The following TERB1 variants were observed in gnomAD, a reference collection of about 807,000 sequenced individuals.
TERB1 encodes telomere repeat binding bouquet formation protein 1, also known as telomere repeats-binding bouquet formation protein 1.
A neutral mutation model predicts 92.3 loss-of-function variants in TERB1; 63 were observed. The observed-to-expected ratio is 0.68, with a 90% CI of 0.56 to 0.84. The LOEUF (loss-of-function observed/expected upper bound fraction) is 0.84. Ranked by LOEUF, TERB1 falls within the 40% of genes least tolerant of loss-of-function variation. TERB1 has a pLI of 0.00. For missense variants in TERB1, 709 were observed against 843.7 expected, an observed-to-expected ratio of 0.84 and a Z score of 1.98; for synonymous variants, 252 against 283.9, an observed-to-expected ratio of 0.89 and a Z score of 1.13.
Position 66,754,937 on chromosome 16 carries a change from T to G in TERB1, c.*39A>C. The G allele has an allele frequency of 2.0e-6, 3 of 1,508,946 alleles. No individual in the cohort carries two copies. The highest frequency in any genetic ancestry group is 2.7e-6 in the Non-Finnish European group (3 of 1,122,122). 93.5% of individuals were successfully genotyped at this position (1,508,946 alleles called of 1,614,324 possible). A position where few individuals can be genotyped will look rare whatever the true frequency, so the allele number is the denominator to read the frequency against. On this transcript the variant is annotated 3_prime_UTR_variant, in exon 19 of 19. Coordinates refer to ENST00000433154, the MANE Select transcript of TERB1 (RefSeq NM_001136505.2). ...AAATGTATCTTTCAAGGCACTGTAT[T>G]TTAAGAATCCAAACTAAAAACTGAC...
At chr16:66,773,710 T>C (rs993233090) in intron 12 of TERB1, among the ~76,000 whole-genome samples, 1 of 152,202 alleles carries the variant, frequency 6.6e-6, no homozygotes, top group East Asian at 1.9e-4. Flanking sequence ...CTGTGGTCTA[T>C]CCCTATATAT....
chr16:66,800,026 T>C (rs1177586407), intron 2 of TERB1: 1 of 152,190 alleles, frequency 6.6e-6, no homozygotes, highest in East Asian at 1.9e-4. Flanking sequence ...GCAAGAAAAG[T>C]AGCTGAATAT....
At chr16:66,791,404 A>T in intron 3 of TERB1, among the ~76,000 whole-genome samples, 1 of 152,098 alleles carries the variant, frequency 6.6e-6, no homozygotes, top group East Asian at 1.9e-4. Context: ...AAGGTCTCAG[A>T]TCAATGACAT....
intron 16 of TERB1, among the ~76,000 whole-genome samples, chr16:66,761,109 CAAAAAAA>C (rs34199990): frequency 1.4e-5 from 1 of 71,138 alleles, no homozygotes; most frequent in Non-Finnish European, 2.6e-5. Flanking sequence ...GACTCCACCT[CAAAAAAA>C]AAAAAAAAAA....
At position 66,759,123 on chromosome 16, in the gene TERB1, A is replaced by C; in HGVS notation, c.1930+18T>G. ...GGTATAGCCATAATTACAATTTTAA[A>C]GCTGCTGAATTAATTACTTTTGTTA... On this transcript the variant is annotated intron_variant, in intron 17 of 18. Transcript: ENST00000433154. 6.6e-7 allele frequency: 1 copy of C among 1,519,480 alleles called. No homozygotes were observed. Among genetic ancestry groups the C allele is most frequent in the East Asian group, 2.5e-5 (1 of 40,724 alleles). The allele number at this position is 1,519,480 out of a possible 1,614,324, so 94.1% of individuals were successfully genotyped here.
chr16:66,757,628 T>C (rs1486930939), intron 18 of TERB1, among the ~76,000 whole-genome samples: 1 of 152,194 alleles, frequency 6.6e-6, no homozygotes, highest in Admixed American at 6.5e-5. Context: ...AAAATCAAAT[T>C]TGAAATTTCC....
intron 14 of TERB1, among the ~76,000 whole-genome samples, chr16:66,769,011 A>G (rs2018397502): frequency 6.6e-6 from 1 of 152,072 alleles, no homozygotes; most frequent in Non-Finnish European, 1.5e-5. Flanking sequence ...AGGCTGAGGT[A>G]GGAGAATCAC....
At chr16:66,798,893 G>A (rs1180916722) in intron 2 of TERB1, among the ~76,000 whole-genome samples, 2 of 152,134 alleles carry the variant, frequency 1.3e-5, no homozygotes, top group Non-Finnish European at 2.9e-5. Flanking sequence ...TTATAAGGAC[G>A]AAGATACATG....
rs1175759717 is a variant in TERB1, at chr16:66,790,977, T to C, written c.74A>G (p.Tyr25Cys). ...DLNLLLECLK[Y>C]QMDNAFSQKE... ...TTGTGAAAAAGCATTGTCCATTTGA[T>C]ACTTTAGACACTCCAATAATAAGTT... is the stretch of plus-strand genomic sequence containing the variant. The change falls in exon 4 of 19, where the codon TAT (tyrosine) becomes TGT (cysteine). Residue 25 changes from tyrosine to cysteine, a missense_variant. Tyr to Cys is a radical substitution (Grantham distance 194). Coordinates refer to ENST00000433154, the MANE Select transcript of TERB1 (RefSeq NM_001136505.2). The C allele has an allele frequency of 2.6e-6, 4 of 1,548,264 alleles. No individual in the cohort carries two copies. The highest frequency in any genetic ancestry group is 3.5e-6 in the Non-Finnish European group (4 of 1,145,210).
At chr16:66,757,580 C>T (rs2018158350) in intron 18 of TERB1, among the ~76,000 whole-genome samples, 1 of 152,120 alleles carries the variant, frequency 6.6e-6, no homozygotes, top group Non-Finnish European at 1.5e-5. Context: ...TTATAATTTG[C>T]ATGCAGAACT....
intron 6 of TERB1, among the ~76,000 whole-genome samples, chr16:66,787,290 T>C (rs944351440): frequency 8.6e-5 from 13 of 151,416 alleles, no homozygotes; most frequent in Admixed American, 6.6e-4. Flanking sequence ...TTTCTTTTTT[T>C]TTTTTTTTTA....
chr16:66,787,481 T>G (rs962812708), intron 6 of TERB1, among the ~76,000 whole-genome samples: 2 of 152,218 alleles, frequency 1.3e-5, no homozygotes, highest in East Asian at 3.9e-4. Flanking sequence ...AATTAAAATT[T>G]TAAAGAGTTA....
chr16:66,768,277 A>G, intron 14 of TERB1, 109 bp from the exon 15 acceptor site: 1 of 797,400 alleles, frequency 1.3e-6, no homozygotes, highest in Non-Finnish European at 2.0e-6. Context: ...GGGCAAAAGC[A>G]ACCTGGAATC....
intron 16 of TERB1, among the ~76,000 whole-genome samples, chr16:66,761,955 C>T (rs2018258057): frequency 6.6e-6 from 1 of 151,690 alleles, no homozygotes; most frequent in Admixed American, 6.6e-5. Context: ...CGGGAGGCTG[C>T]GGCAGGAGAA....
chr16:66,758,793 G>C lies in TERB1; in HGVS notation c.1976C>G (p.Ser659Cys). The change falls in exon 18 of 19, where the codon TCT becomes TGT. Residue 659 changes from serine to cysteine, a missense_variant. Transcript: ENST00000433154. ...TTCACTTATTCCTCCAGGGGTAGTA[G>C]ATTCATTACTGAGTCGTTGTCTTCT... ...PRRRQRLSNE[S>C]TTPGGIKKRR... is the part of the protein sequence containing the mutation. 1 of 1,533,032 alleles carries C rather than the reference G, an allele frequency of 6.5e-7. No individual in the cohort carries two copies. The highest frequency in any genetic ancestry group is 1.4e-5 in the African/African-American group (1 of 72,456). 95.0% of individuals were successfully genotyped at this position (1,533,032 alleles called of 1,614,324 possible).
intron 13 of TERB1, among the ~76,000 whole-genome samples, chr16:66,771,487 T>C (rs2018450060): frequency 6.6e-6 from 1 of 152,222 alleles, no homozygotes; most frequent in Admixed American, 6.5e-5. Context: ...ATAACTTGCC[T>C]AAACTTTCCC....
At chr16:66,789,366 C>CTT (rs2018785031) in intron 5 of TERB1, among the ~76,000 whole-genome samples, 1 of 38,514 alleles carries the variant, frequency 2.6e-5, no homozygotes, top group Admixed American at 2.9e-4. Context: ...GGGCGGATCA[C>CTT]GAGGTCAGGA....
At chr16:66,756,410 C>A (rs1429015462) in intron 18 of TERB1, among the ~76,000 whole-genome samples, 1 of 152,210 alleles carries the variant, frequency 6.6e-6, no homozygotes, top group African/African-American at 2.4e-5. Context: ...ATGAGGGCAG[C>A]AATTTTGATC....
At chr16:66,791,468 A>G (rs1388422139) in intron 3 of TERB1, among the ~76,000 whole-genome samples, 1 of 152,138 alleles carries the variant, frequency 6.6e-6, no homozygotes, top group African/African-American at 2.4e-5. Context: ...ATATAGGTAC[A>G]ATAAAGGAAA....
Sources: allele counts gnomAD v4.1 joint callset (sites outside exome capture counted in the v4.1 genomes callset), GRCh38; gene constraint gnomAD v4.1.1; transcripts MANE v1.5; gene names NCBI Gene and HGNC (gene_info 2026-07-23, HGNC 2026-07-21).